Variants in NRP2 observed in about 807,000 individuals in gnomAD.
The protein encoded by NRP2 is neuropilin-2.
In NRP2, 52 loss-of-function variants were observed where a neutral mutation model predicts 110.4. That is an observed-to-expected ratio of 0.47 (90% confidence interval 0.38 to 0.59). The LOEUF (loss-of-function observed/expected upper bound fraction) is 0.59, where lower values mean the gene tolerates loss of function less well. NRP2 is among the 20% of genes least tolerant of loss of function. The pLI is 0.00. For missense variants in NRP2, 1,049 were observed against 1,203.0 expected (o/e 0.87, Z 1.89); for synonymous variants, 508 against 468.9 (o/e 1.08, Z -1.08).
chr2:205,738,727 C>T (rs1004961830), intron 7 of NRP2, among the ~76,000 whole-genome samples: 1 of 152,166 alleles, frequency 6.6e-6, no homozygotes, highest in Non-Finnish European at 1.5e-5. Context: ...TCCCGGTGCT[C>T]CCTGCTGTCA....
At chr2:205,752,318 A>G (rs1575629439) in intron 11 of NRP2, 1 of 203,310 alleles carries the variant, frequency 4.9e-6, no homozygotes, top group African/African-American at 2.4e-5. Context: ...GAAGTGTAGC[A>G]AACAAGCCTT....
chr2:205,782,586 T>G (rs1289784573), intron 15 of NRP2, among the ~76,000 whole-genome samples: 2 of 152,234 alleles, frequency 1.3e-5, no homozygotes, highest in Non-Finnish European at 2.9e-5. Context: ...TTTTATACCT[T>G]TACAAACATG....
At position 205,683,126 on chromosome 2, in the gene NRP2, C is replaced by T. The variant is rs1296745639; in HGVS notation, c.-165C>T. On this transcript the variant is annotated 5_prime_UTR_variant, in exon 1 of 17. It introduces an in-frame stop codon into an upstream open reading frame of the 5' UTR. Coordinates refer to ENST00000357785, the MANE Select transcript of NRP2 (RefSeq NM_003872.3). The stretch of plus-strand genomic sequence containing the variant: ...CCTCCTGGTGAGGTGGAAATTCCAG[C>T]AAGAATAGAGGTGAAGACAAGCCAC... The T allele has an allele frequency of 1.1e-5, 7 of 610,558 alleles. No homozygotes were observed. Among genetic ancestry groups the T allele is most frequent in the Non-Finnish European group, 1.7e-5 (6 of 343,568 alleles). The allele number at this position is 610,558 out of a possible 1,614,324, so 37.8% of individuals were successfully genotyped here. A position where few individuals can be genotyped will look rare whatever the true frequency, so the allele number is the denominator to read the frequency against.
In NRP2 at chr2:205,743,327, G is replaced by C. The variant is rs529980618; in HGVS notation, c.1416G>C (p.Ser472=). The C allele has an allele frequency of 1.2e-6, 2 of 1,614,190 alleles. No individual in the cohort carries two copies. The highest frequency in any genetic ancestry group is 1.7e-6 in the Non-Finnish European group (2 of 1,180,002). Residue 472 remains serine (S), a synonymous_variant, in exon 9 of 17, where the codon TCG becomes TCC. Transcript: ENST00000357785. Reference sequence around the variant, plus strand: ...CAGCCCGCCTGGTTAGCAGCCGCTCGGGCTGGTTCCCTCGAATCCCTCAGG... The same window carrying C: ...CAGCCCGCCTGGTTAGCAGCCGCTCCGGCTGGTTCCCTCGAATCCCTCAGG... ...PSAARLVSSR[S]GWFPRIPQAQ... is the part of the protein sequence containing the mutation.
At chr2:205,724,022 T>C in intron 5 of NRP2, 82 bp downstream of exon 5, 2 of 1,499,390 alleles carry the variant, frequency 1.3e-6, no homozygotes, top group Non-Finnish European at 9.2e-7. Context: ...GCTGAGCTCT[T>C]ATGAGGGAGG....
In NRP2 at chr2:205,730,636, T is replaced by G. The variant is rs970954942; in HGVS notation, c.1146+2590T>G. Among the ~76,000 whole-genome samples, 4 of 151,996 alleles carry G rather than the reference T, an allele frequency of 2.6e-5. No individual in the cohort carries two copies. The South Asian group carries it at 8.3e-4, about 32-fold the overall frequency. On this transcript the variant is annotated intron_variant, in intron 7 of 16. Transcript: ENST00000357785. ...CGGTGTGCAGGGAAGGAAGAGGGAATAGTGACATTTGGGACAGAAATGTGG... is the reference window on the plus strand; with the variant it reads ...CGGTGTGCAGGGAAGGAAGAGGGAAGAGTGACATTTGGGACAGAAATGTGG...
intron 2 of NRP2, among the ~76,000 whole-genome samples, chr2:205,708,906 A>G (rs2105772954): frequency 6.6e-6 from 1 of 152,334 alleles, no homozygotes; most frequent in South Asian, 2.1e-4. Flanking sequence ...GTACTGATGC[A>G]GATACCCAAA....
intron 15 of NRP2, among the ~76,000 whole-genome samples, chr2:205,775,647 G>A (rs2058086076): frequency 6.6e-6 from 1 of 152,232 alleles, no homozygotes; most frequent in Non-Finnish European, 1.5e-5. Flanking sequence ...GGGCACAGAA[G>A]CCTTGGCAAG....
At chr2:205,782,173 TCTC>T (rs2105959423) in intron 15 of NRP2, among the ~76,000 whole-genome samples, 1 of 152,210 alleles carries the variant, frequency 6.6e-6, no homozygotes, top group East Asian at 1.9e-4. Context: ...CCTAGAATCA[TCTC>T]CTCTCTACTG....
intron 1 of NRP2, among the ~76,000 whole-genome samples, chr2:205,691,037 T>G (rs1009203257): frequency 6.6e-6 from 1 of 152,000 alleles, no homozygotes; most frequent in African/African-American, 2.4e-5. Context: ...ACTCTCAGAG[T>G]CTGTCCTATC....
chr2:205,714,297 A>G (rs901006852), intron 2 of NRP2, among the ~76,000 whole-genome samples: 1 of 152,204 alleles, frequency 6.6e-6, no homozygotes, highest in African/African-American at 2.4e-5. Flanking sequence ...GCTGGGGTGC[A>G]AGCCCAGCTC....
At chr2:205,702,213 C>G (rs575239837) in intron 2 of NRP2, among the ~76,000 whole-genome samples, 2 of 152,318 alleles carry the variant, frequency 1.3e-5, no homozygotes, top group South Asian at 4.1e-4. Context: ...TGCCTGTCTC[C>G]TGTAGCCTTC....
intron 9 of NRP2, 59 bp from the exon 10 acceptor site, chr2:205,745,687 A>G: frequency 6.2e-7 from 1 of 1,607,138 alleles, no homozygotes; most frequent in Non-Finnish European, 8.5e-7. Flanking sequence ...AGGAAAGGGA[A>G]GAAGGTGATA....
intron 10 of NRP2, among the ~76,000 whole-genome samples, chr2:205,749,468 G>A (rs1237847899): frequency 6.6e-6 from 1 of 152,078 alleles, no homozygotes; most frequent in Non-Finnish European, 1.5e-5. Flanking sequence ...TGCTAAACTC[G>A]GGGCCTCTGC....
intron 1 of NRP2, among the ~76,000 whole-genome samples, chr2:205,689,714 A>G (rs112479793): frequency 7.9e-5 from 12 of 151,108 alleles, no homozygotes; most frequent in African/African-American, 1.5e-4. Context: ...CTTACCTCCT[A>G]TTTTCTTTTT....
intron 15 of NRP2, among the ~76,000 whole-genome samples, chr2:205,772,754 C>T (rs1016259416): frequency 6.6e-6 from 1 of 152,198 alleles, no homozygotes; most frequent in Non-Finnish European, 1.5e-5. Flanking sequence ...AGCAATGGCT[C>T]GATCACCCCC....
intron 11 of NRP2, 66 bp from the exon 12 acceptor site, chr2:205,752,769 C>T: frequency 6.4e-7 from 1 of 1,557,484 alleles, no homozygotes; most frequent in Non-Finnish European, 8.9e-7. Context: ...TTAAATAGTA[C>T]CACTGTGGCT....
At chr2:205,756,500 T>TTTTA (rs1235254637) in intron 12 of NRP2, 2 of 152,242 alleles carry the variant, frequency 1.3e-5, no homozygotes, top group Non-Finnish European at 2.9e-5. Context: ...GGCAATTTTA[T>TTTTA]TTTAATTAAT....
In NRP2 at chr2:205,723,946, T is replaced by A; in HGVS notation, c.820+6T>A. ...CCACCAAGAGCCACTAGAGAGTGAG[T>A]TGGCCGATTGGGAACCTCTGTCCTG... On this transcript the variant is annotated splice_donor_region_variant and intron_variant, in intron 5 of 16. Transcript: ENST00000357785. 6.2e-7 allele frequency: 1 copy of A among 1,613,406 alleles called. No homozygotes were observed. Among genetic ancestry groups the A allele is most frequent in the Non-Finnish European group, 8.5e-7 (1 of 1,179,774 alleles).
Sources: gnomAD v4.1 joint callset for allele counts (sites outside exome capture counted in the v4.1 genomes callset) on GRCh38, gnomAD v4.1.1 for gene constraint, MANE v1.5 for transcripts, NCBI Gene and HGNC (gene_info 2026-07-23, HGNC 2026-07-21) for gene names.